Variants in WDR70 observed in about 807,000 individuals in gnomAD.
WDR70 encodes the protein WD repeat-containing protein 70.
A neutral mutation model predicts 88.6 loss-of-function variants in WDR70; 53 were observed. The ratio of observed to expected loss-of-function variants is 0.60; its 90% CI spans 0.48 to 0.75. The LOEUF (loss-of-function observed/expected upper bound fraction) is 0.75, where lower values mean the gene tolerates loss of function less well. WDR70 is among the 30% of genes least tolerant of loss of function. The pLI, the probability that WDR70 is intolerant of heterozygous loss-of-function variation, is 0.00. For synonymous variants in WDR70, 280 were observed against 270.0 expected (o/e 1.04, Z -0.36); for missense variants, 610 against 823.2 (o/e 0.74, Z 3.17).
chr5:37,400,417 C>T (rs1023570406), intron 5 of WDR70, among the ~76,000 whole-genome samples: 1 of 152,162 alleles, frequency 6.6e-6, no homozygotes, highest in Non-Finnish European at 1.5e-5. Flanking sequence ...TTGATTTTAT[C>T]ATTGTTTTTA....
chr5:37,584,685 T>C (rs538067564), intron 9 of WDR70, among the ~76,000 whole-genome samples: 2 of 152,242 alleles, frequency 1.3e-5, no homozygotes, highest in East Asian at 3.9e-4. Context: ...GCCATAATTA[T>C]GTTAAACTTT....
At chr5:37,454,928 GT>G (rs753755411) in intron 7 of WDR70, among the ~76,000 whole-genome samples, 2 of 152,146 alleles carry the variant, frequency 1.3e-5, no homozygotes, top group Non-Finnish European at 2.9e-5. Flanking sequence ...TTGACCCTTA[GT>G]TTCCTTGCCT....
At chr5:37,596,151 C>T (rs967173335) in intron 9 of WDR70, among the ~76,000 whole-genome samples, 1 of 152,064 alleles carries the variant, frequency 6.6e-6, no homozygotes, top group Non-Finnish European at 1.5e-5. Flanking sequence ...GTTAAGATTG[C>T]GCTAACCAAA....
In WDR70 at chr5:37,726,995, T is replaced by C. The variant is rs997176565; in HGVS notation, c.1827T>C (p.His609=). 1.2e-6 allele frequency: 2 copies of C among 1,611,290 alleles called. No individual in the cohort carries two copies. The highest frequency in any genetic ancestry group is 1.3e-5 in the African/African-American group (1 of 74,760). ...ATCCTCGGGAAGCCATTTTGCGTCA[T>C]GCCAAAGCAGCAGAAGACAGCCCAT... The part of the protein sequence containing the change: ...DSNPREAILR[H]AKAAEDSPYW... The change falls in exon 17 of 18, where the codon CAT becomes CAC. Residue 609 remains histidine (H), a synonymous_variant. Coordinates refer to ENST00000265107, the MANE Select transcript of WDR70 (RefSeq NM_018034.4).
At chr5:37,499,599 C>CTCTCTT (rs1462495909) in intron 8 of WDR70, among the ~76,000 whole-genome samples, 1 of 50,856 alleles carries the variant, frequency 2.0e-5, no homozygotes, top group African/African-American at 4.0e-5. Context: ...CTCTCTCTCT[C>CTCTCTT]TCTCTCTCTC....
At chr5:37,549,451 A>G (rs550524039) in intron 9 of WDR70, among the ~76,000 whole-genome samples, 5 of 152,206 alleles carry the variant, frequency 3.3e-5, no homozygotes, top group Admixed American at 6.5e-5. Flanking sequence ...TTGTTGGCAT[A>G]TAGAAATGCT....
chr5:37,437,820 A>G (rs764796387), intron 5 of WDR70, 102 bp from the exon 6 acceptor site: 27 of 1,152,654 alleles, frequency 2.3e-5, no homozygotes, highest in Non-Finnish European at 3.1e-5. Flanking sequence ...TTAAAAACCA[A>G]TGATGCAATT....
intron 8 of WDR70, among the ~76,000 whole-genome samples, chr5:37,481,855 C>T (rs1312896877): frequency 6.6e-6 from 1 of 152,184 alleles, no homozygotes; most frequent in Non-Finnish European, 1.5e-5. Context: ...GAAATGTCTT[C>T]TGGCAGATAC....
chr5:37,647,539 C>G (rs1394622531), intron 10 of WDR70, among the ~76,000 whole-genome samples: 1 of 152,124 alleles, frequency 6.6e-6, no homozygotes, highest in African/African-American at 2.4e-5. Context: ...TTTGAAGGAA[C>G]TTGGGTATTG....
At chr5:37,501,471 T>C (rs1461206650) in intron 8 of WDR70, among the ~76,000 whole-genome samples, 1 of 152,138 alleles carries the variant, frequency 6.6e-6, no homozygotes, top group Non-Finnish European at 1.5e-5. Context: ...GGGACACACA[T>C]AAAATATATT....
intron 5 of WDR70, among the ~76,000 whole-genome samples, chr5:37,419,495 C>T (rs963780545): frequency 7.3e-5 from 11 of 151,646 alleles, no homozygotes; most frequent in South Asian, 2.1e-4. Flanking sequence ...TGAGCCACCG[C>T]GCCCAGCTGC....
chr5:37,585,395 A>G (rs1387769695), intron 9 of WDR70, among the ~76,000 whole-genome samples: 2 of 152,212 alleles, frequency 1.3e-5, no homozygotes, highest in African/African-American at 2.4e-5. Context: ...TTATGTCCCC[A>G]GATGGATTCA....
intron 10 of WDR70, among the ~76,000 whole-genome samples, chr5:37,693,423 A>G (rs1746872230): frequency 6.6e-6 from 1 of 152,214 alleles, no homozygotes; most frequent in Admixed American, 6.5e-5. Flanking sequence ...AGCAAAAAGA[A>G]CAAAGCTGGA....
At chr5:37,383,195 T>C (rs1748488040) in intron 3 of WDR70, among the ~76,000 whole-genome samples, 2 of 152,228 alleles carry the variant, frequency 1.3e-5, no homozygotes, top group Admixed American at 1.3e-4. Flanking sequence ...TTTCAGTCTT[T>C]GGAAGAAAAC....
intron 5 of WDR70, among the ~76,000 whole-genome samples, chr5:37,402,329 T>TGTGTGTA (rs59326032): frequency 0.044 from 6,548 of 147,626 alleles, 203 homozygotes; most frequent in South Asian, 0.067. Context: ...GTGTGTGTGT[T>TGTGTGTA]TTAAATTTTT....
chr5:37,632,925 C>A (rs1744857924), intron 10 of WDR70, among the ~76,000 whole-genome samples: 2 of 152,054 alleles, frequency 1.3e-5, no homozygotes, highest in Admixed American at 6.6e-5. Flanking sequence ...ACAGGGATAC[C>A]ATTTTTTACT....
intron 10 of WDR70, among the ~76,000 whole-genome samples, chr5:37,685,204 G>A (rs927656134): frequency 1.3e-5 from 2 of 152,274 alleles, no homozygotes; most frequent in East Asian, 1.9e-4. Flanking sequence ...GGGTGAGGAG[G>A]TGGTGTGCGC....
At chr5:37,559,602 C>A (rs542310553) in intron 9 of WDR70, among the ~76,000 whole-genome samples, 24 of 152,156 alleles carry the variant, frequency 1.6e-4, no homozygotes, top group Admixed American at 1.6e-3. Flanking sequence ...CCTAGCACTT[C>A]GGGAGGACGA....
chr5:37,413,556 A>G (rs532471231), intron 5 of WDR70, among the ~76,000 whole-genome samples: 1 of 151,946 alleles, frequency 6.6e-6, no homozygotes, highest in East Asian at 2.0e-4. Context: ...CCCTGTCTCT[A>G]CTAAAAATAG....
Sources: gnomAD v4.1 joint callset for allele counts (sites outside exome capture counted in the v4.1 genomes callset) on GRCh38, gnomAD v4.1.1 for gene constraint, MANE v1.5 for transcripts, NCBI Gene and HGNC (gene_info 2026-07-23, HGNC 2026-07-21) for gene names.